SCHIP1: variants seen among roughly 807,000 people sequenced by gnomAD.
SCHIP1 encodes schwannomin-interacting protein 1.
A neutral mutation model predicts 29.7 loss-of-function variants in SCHIP1; 8 were observed. The observed-to-expected ratio is 0.27, with a 90% CI of 0.16 to 0.49. The LOEUF is 0.49. SCHIP1 is among the 20% of genes least tolerant of loss of function. SCHIP1 has a pLI of 0.99. For synonymous variants in SCHIP1, 76 were observed against 94.9 expected (o/e 0.80, Z 1.16); for missense variants, 193 against 294.6 (o/e 0.66, Z 2.52).
At chr3:159,690,151 GA>G in the SCHIP1 span, among the ~76,000 whole-genome samples, 1 of 152,160 alleles carries the variant, frequency 6.6e-6, no homozygotes, top group Admixed American at 6.5e-5. Flanking sequence ...CTATTGTTTG[GA>G]ATAGTTTCAG....
At chr3:159,732,721 A>C in the SCHIP1 span, among the ~76,000 whole-genome samples, 1 of 152,120 alleles carries the variant, frequency 6.6e-6, no homozygotes, top group Non-Finnish European at 1.5e-5. Context: ...TATAGATAAG[A>C]CCGTGGAGGG....
At chr3:159,828,122 AG>A in the SCHIP1 span, among the ~76,000 whole-genome samples, 1 of 151,494 alleles carries the variant, frequency 6.6e-6, no homozygotes, top group African/African-American at 2.4e-5. Flanking sequence ...TGATATAAAA[AG>A]ACAGCCATCT....
chr3:159,642,905 G>A, the SCHIP1 span, among the ~76,000 whole-genome samples: 1 of 152,084 alleles, frequency 6.6e-6, no homozygotes, highest in Non-Finnish European at 1.5e-5. Context: ...CGATTCTATA[G>A]AATTTAGACT....
At chr3:159,509,737 G>C in the SCHIP1 span, among the ~76,000 whole-genome samples, 1 of 152,150 alleles carries the variant, frequency 6.6e-6, no homozygotes, top group African/African-American at 2.4e-5. Context: ...AACTTAGTTT[G>C]GCTGGATATG....
the SCHIP1 span, among the ~76,000 whole-genome samples, chr3:159,303,282 A>T: frequency 5.9e-4 from 89 of 152,074 alleles, 1 homozygote; most frequent in South Asian, 0.011. Flanking sequence ...AAATGGGAAA[A>T]TCACACAAGC....
At chr3:159,818,961 A>G in the SCHIP1 span, among the ~76,000 whole-genome samples, 2 of 152,208 alleles carry the variant, frequency 1.3e-5, no homozygotes, top group African/African-American at 4.8e-5. Context: ...TTACTATCTC[A>G]CAATTTCTGA....
the SCHIP1 span, among the ~76,000 whole-genome samples, chr3:159,793,427 G>A: frequency 1.3e-5 from 2 of 152,084 alleles, no homozygotes; most frequent in Admixed American, 1.3e-4. Context: ...GCTATATATT[G>A]TCCCATTAAC....
chr3:159,828,641 C>G, the SCHIP1 span, among the ~76,000 whole-genome samples: 452 of 151,772 alleles, frequency 3.0e-3, 2 homozygotes, highest in African/African-American at 0.01. Flanking sequence ...CTAGAGGGCA[C>G]CTTTCTTCAA....
intron 2 of SCHIP1, among the ~76,000 whole-genome samples, chr3:159,875,513 A>T (rs1715709757): frequency 6.6e-6 from 1 of 152,200 alleles, no homozygotes; most frequent in African/African-American, 2.4e-5. Flanking sequence ...GTTTCTAGGA[A>T]TTATTTTTCA....
At chr3:159,763,438 C>G in the SCHIP1 span, among the ~76,000 whole-genome samples, 1 of 152,108 alleles carries the variant, frequency 6.6e-6, no homozygotes, top group South Asian at 2.1e-4. Flanking sequence ...CAAGAAAATA[C>G]GGGTGTCGGC....
chr3:159,354,845 A>G, the SCHIP1 span, among the ~76,000 whole-genome samples: 1 of 152,198 alleles, frequency 6.6e-6, no homozygotes, highest in Non-Finnish European at 1.5e-5. Flanking sequence ...AAAAAGGCAA[A>G]TAACACTGTA....
chr3:159,440,166 T>C, the SCHIP1 span, among the ~76,000 whole-genome samples: 1 of 152,176 alleles, frequency 6.6e-6, no homozygotes, highest in Non-Finnish European at 1.5e-5. Context: ...GGAATCCTTT[T>C]CCCATTGTTT....
At chr3:159,748,845 AC>A in the SCHIP1 span, among the ~76,000 whole-genome samples, 1 of 152,368 alleles carries the variant, frequency 6.6e-6, no homozygotes, top group Admixed American at 6.5e-5. Context: ...TAATCTAGTT[AC>A]TAAAAATGGG....
At chr3:159,807,818 T>C in the SCHIP1 span, among the ~76,000 whole-genome samples, 1 of 152,240 alleles carries the variant, frequency 6.6e-6, no homozygotes, top group Non-Finnish European at 1.5e-5. Context: ...CACAGGCAAG[T>C]GTTTACACCT....
the SCHIP1 span, among the ~76,000 whole-genome samples, chr3:159,589,523 C>T: frequency 1.3e-5 from 2 of 152,156 alleles, no homozygotes; most frequent in Non-Finnish European, 2.9e-5. Flanking sequence ...TGAGAGAGGA[C>T]ATCCCTGTCT....
the SCHIP1 span, among the ~76,000 whole-genome samples, chr3:159,426,675 C>A: frequency 1.3e-5 from 2 of 152,208 alleles, no homozygotes; most frequent in East Asian, 3.9e-4. Flanking sequence ...TCCTCCCTAA[C>A]TCATTTTATG....
the SCHIP1 span, among the ~76,000 whole-genome samples, chr3:159,411,411 C>A: frequency 6.6e-6 from 1 of 151,966 alleles, no homozygotes; most frequent in Non-Finnish European, 1.5e-5. Flanking sequence ...ATATGTATAC[C>A]TACTCTGTGA....
At chr3:159,316,527 G>A in the SCHIP1 span, among the ~76,000 whole-genome samples, 1 of 152,118 alleles carries the variant, frequency 6.6e-6, no homozygotes, top group Non-Finnish European at 1.5e-5. Context: ...ACATATACAG[G>A]ATTAATACTT....
At chr3:159,607,674 C>G in the SCHIP1 span, among the ~76,000 whole-genome samples, 2 of 152,096 alleles carry the variant, frequency 1.3e-5, no homozygotes, top group African/African-American at 2.4e-5. Flanking sequence ...GGTAGGAAAC[C>G]TAAGCGTAGG....
Sources: gnomAD v4.1 joint callset for allele counts (sites outside exome capture counted in the v4.1 genomes callset) on GRCh38, gnomAD v4.1.1 for gene constraint, MANE v1.5 for transcripts, NCBI Gene and HGNC (gene_info 2026-07-23, HGNC 2026-07-21) for gene names.